Variants in AADACL2 observed in about 807,000 individuals in gnomAD.
AADACL2 encodes the protein arylacetamide deacetylase like 2, also known as arylacetamide deacetylase-like 2.
A neutral mutation model predicts 22.3 loss-of-function variants in AADACL2; 23 were observed. That is an observed-to-expected ratio of 1.03 (90% confidence interval 0.74 to 1.46). AADACL2 has a LOEUF of 1.46. Among genes scored for constraint, AADACL2 ranks in the 40% most tolerant of loss-of-function variants. The pLI is 0.00. For synonymous variants in AADACL2, 177 were observed against 166.2 expected, an observed-to-expected ratio of 1.07 and a Z score of -0.50; for missense variants, 472 against 482.9, an observed-to-expected ratio of 0.98 and a Z score of 0.21.
intron 4 of AADACL2, among the ~76,000 whole-genome samples, chr3:151,746,096 C>CT (rs780113382): frequency 7.9e-5 from 12 of 152,016 alleles, no homozygotes; most frequent in Non-Finnish European, 1.6e-4. Context: ...ATGTCTCATA[C>CT]TTTATTAGAT....
At chr3:151,739,939 TG>T (rs1400231497) in intron 1 of AADACL2, among the ~76,000 whole-genome samples, 1 of 152,174 alleles carries the variant, frequency 6.6e-6, no homozygotes, top group African/African-American at 2.4e-5. Context: ...GATCTTAGCT[TG>T]CTGGGATCCT....
rs757315486 is a variant in AADACL2 at position 151,757,138 on chromosome 3, G to A, written c.750G>A (p.Val250=). The change falls in exon 5 of 5, where the codon GTG becomes GTA. Residue 250 remains valine (V), a synonymous_variant. Coordinates refer to ENST00000356517, the MANE Select transcript of AADACL2 (RefSeq NM_207365.4). ...CCAGGGATGTAGCCATAAAACTCGT[G>A]AGCTTATATTTCACCAAGGATGAAG... is the stretch of plus-strand genomic sequence containing the variant. The part of the protein sequence containing the change: ...VLTRDVAIKL[V]SLYFTKDEAL... The A allele has an allele frequency of 1.1e-4, 172 of 1,612,998 alleles. No homozygotes were observed. Among genetic ancestry groups the A allele is most frequent in the Non-Finnish European group, 1.4e-4 (162 of 1,179,582 alleles).
At chr3:151,742,678 G>C (rs980446333) in intron 2 of AADACL2, among the ~76,000 whole-genome samples, 1 of 152,116 alleles carries the variant, frequency 6.6e-6, no homozygotes, top group Non-Finnish European at 1.5e-5. Flanking sequence ...TTTGTTCCCA[G>C]AGAAGGCAGC....
At chr3:151,740,382 A>C (rs1028992013) in intron 1 of AADACL2, among the ~76,000 whole-genome samples, 5 of 152,126 alleles carry the variant, frequency 3.3e-5, no homozygotes, top group Non-Finnish European at 4.4e-5. Context: ...TGCAGAAATC[A>C]CCTGCCTTCT....
At chr3:151,744,835 G>C (rs1209374447) in intron 3 of AADACL2, among the ~76,000 whole-genome samples, 1 of 152,052 alleles carries the variant, frequency 6.6e-6, no homozygotes, top group Non-Finnish European at 1.5e-5. Flanking sequence ...AAAAGAAAAA[G>C]CTCTATGAAT....
rs1472567931 is a variant in AADACL2 at position 151,734,251 on chromosome 3, A to T, written c.138+78A>T. 2.2e-6 allele frequency: 3 copies of T among 1,358,408 alleles called. No homozygotes were observed. The African/African-American group carries it at 4.4e-5, about 20-fold the overall frequency. 84.1% of individuals were successfully genotyped at this position (1,358,408 alleles called of 1,614,324 possible). A position where few individuals can be genotyped will look rare whatever the true frequency, so the allele number is the denominator to read the frequency against. ...AAAATGGGTGCTTATGAACTCTTTT[A>T]TTAATAGTATTAATATCACCATTTT... On this transcript the variant is annotated intron_variant, in intron 1 of 4. Transcript: ENST00000356517.
In AADACL2 at chr3:151,760,807, TCATCACAC is replaced by T. The variant is rs1241348694; in HGVS notation, c.*3217_*3224del. On this transcript the variant is annotated 3_prime_UTR_variant, in exon 5 of 5. Transcript: ENST00000356517. ...AGGCTAGAAGTTGGAGATCAAGGTG[TCATCACAC>T]CATGGTCCCTCTGAAGGCACCAAGG... The T allele has an allele frequency of 6.6e-6, 1 of 152,094 alleles. No individual in the cohort carries two copies. The highest frequency in any genetic ancestry group is 1.5e-5 in the Non-Finnish European group (1 of 68,020). The allele number at this position is 152,094 out of a possible 1,614,324, so 9.4% of individuals were successfully genotyped here.
intron 1 of AADACL2, among the ~76,000 whole-genome samples, chr3:151,736,089 T>G (rs1713077006): frequency 6.6e-6 from 1 of 152,016 alleles, no homozygotes; most frequent in Non-Finnish European, 1.5e-5. Context: ...TATGAAGATA[T>G]TTAAAACTTT....
At chr3:151,746,046 C>T (rs1324554827) in intron 4 of AADACL2, among the ~76,000 whole-genome samples, 3 of 151,926 alleles carry the variant, frequency 2.0e-5, no homozygotes, top group Non-Finnish European at 2.9e-5. Flanking sequence ...GGAGGATTGA[C>T]GTGTCAACAA....
rs1237809312 is a variant in AADACL2 at position 151,761,164 on chromosome 3, GAT to G, written c.*3577_*3578del. ...GGTGAGATATATATATATATGGTGA[GAT>G]ATATATTTATATATATGGTGAGATA... On this transcript the variant is annotated 3_prime_UTR_variant, in exon 5 of 5. Coordinates refer to ENST00000356517, the MANE Select transcript of AADACL2 (RefSeq NM_207365.4). The G allele has an allele frequency of 1.1e-5, 1 of 94,538 alleles. No homozygotes were observed. Among genetic ancestry groups the G allele is most frequent in the Non-Finnish European group, 2.3e-5 (1 of 44,118 alleles). 5.9% of individuals were successfully genotyped at this position (94,538 alleles called of 1,614,324 possible). A position where few individuals can be genotyped will look rare whatever the true frequency, so the allele number is the denominator to read the frequency against.
intron 1 of AADACL2, among the ~76,000 whole-genome samples, chr3:151,735,831 T>C (rs889189766): frequency 2.0e-5 from 3 of 152,300 alleles, no homozygotes; most frequent in South Asian, 4.1e-4. Context: ...GCCCTGCAAA[T>C]ACCTTAATTT....
chr3:151,749,335 A>T (rs1178042950), intron 4 of AADACL2, among the ~76,000 whole-genome samples: 1 of 152,036 alleles, frequency 6.6e-6, no homozygotes, highest in Non-Finnish European at 1.5e-5. Flanking sequence ...TTTTTAAGAT[A>T]GTTTGTTGTT....
At chr3:151,735,413 G>A (rs1713055544) in intron 1 of AADACL2, among the ~76,000 whole-genome samples, 1 of 151,894 alleles carries the variant, frequency 6.6e-6, no homozygotes, top group African/African-American at 2.4e-5. Flanking sequence ...ATGCAGACTT[G>A]GCTTTGACAT....
chr3:151,757,686 T>G lies in AADACL2; in HGVS notation c.*92T>G. 7.0e-7 allele frequency: 1 copy of G among 1,432,424 alleles called. No individual in the cohort carries two copies. The allele number at this position is 1,432,424 out of a possible 1,614,324, so 88.7% of individuals were successfully genotyped here. On this transcript the variant is annotated 3_prime_UTR_variant, in exon 5 of 5. Coordinates refer to ENST00000356517, the MANE Select transcript of AADACL2 (RefSeq NM_207365.4). The stretch of plus-strand genomic sequence containing the variant: ...GCAAAGAACAATGTCATTTGAGTTA[T>G]CTAAATCTACATTTGCAACATTTGT...
Position 151,761,160 on chromosome 3 carries a change from G to T in AADACL2, c.*3566G>T, listed in dbSNP as rs1353377679. 1.1e-5 allele frequency: 1 copy of T among 91,236 alleles called. No individual in the cohort carries two copies. The highest frequency in any genetic ancestry group is 4.3e-5 in the African/African-American group (1 of 23,366). The allele number at this position is 91,236 out of a possible 1,614,324, so 5.7% of individuals were successfully genotyped here. A position where few individuals can be genotyped will look rare whatever the true frequency, so the allele number is the denominator to read the frequency against. ...ATATGGTGAGATATATATATATATG[G>T]TGAGATATATATTTATATATATGGT... On this transcript the variant is annotated 3_prime_UTR_variant, in exon 5 of 5. Transcript: ENST00000356517.
rs2107983908 is a variant in AADACL2, at chr3:151,744,107, G to T, written c.376G>T (p.Asp126Tyr). 1 of 1,613,674 alleles carries T rather than the reference G, an allele frequency of 6.2e-7. No individual in the cohort carries two copies. Among genetic ancestry groups the T allele is most frequent in the East Asian group, 2.2e-5 (1 of 44,878 alleles). Residue 126 changes from aspartate (D) to tyrosine (Y), a missense_variant, in exon 3 of 5, where the codon GAC becomes TAC. Transcript: ENST00000356517. ...CTTCATTTCAGAACAGAGGGCTTTTGACTTCCTGAATAGATGGACGGCAAA... is the reference window on the plus strand; with the variant it reads ...CTTCATTTCAGAACAGAGGGCTTTTTACTTCCTGAATAGATGGACGGCAAA... ...CFGSSKQRAF[D>Y]FLNRWTANTL...
chr3:151,746,516 T>C (rs1429913795), intron 4 of AADACL2, among the ~76,000 whole-genome samples: 4 of 151,984 alleles, frequency 2.6e-5, no homozygotes, highest in Admixed American at 6.6e-5. Context: ...ATAACTCTCT[T>C]GCTTTGTATT....
At chr3:151,747,461 G>GGGGTTTAACTTTCT (rs1317560656) in intron 4 of AADACL2, among the ~76,000 whole-genome samples, 1 of 151,914 alleles carries the variant, frequency 6.6e-6, no homozygotes, top group East Asian at 1.9e-4. Context: ...TCCACTTCTA[G>GGGGTTTAACTTTCT]GGGTTTAACT....
At position 151,745,558 on chromosome 3, in the gene AADACL2, C is replaced by T. The variant is rs1364138504; in HGVS notation, c.481C>T (p.Leu161Phe). ...CTTTCCTGCTCAGTTTGAAGATGGC[C>T]TTGCTGCAGTCAAATTTTTTCTTTT... is the stretch of plus-strand genomic sequence containing the variant. ...HHFPAQFEDG[L>F]AAVKFFLLEK... The change falls in exon 4 of 5, where the codon CTT (leucine) becomes TTT (phenylalanine). Residue 161 changes from leucine (L) to phenylalanine (F), a missense_variant. Leu to Phe is a conservative substitution (Grantham distance 22, BLOSUM62 0). Around this residue, in one of 3 missense-constraint regions of AADACL2, gnomAD observed 356 missense variants for 365.5 expected, o/e 0.97. Transcript: ENST00000356517. 8.1e-6 allele frequency: 13 copies of T among 1,613,694 alleles called. No homozygotes were observed. The highest frequency in any genetic ancestry group is 1.1e-5 in the Non-Finnish European group (13 of 1,179,874).
Sources: allele counts gnomAD v4.1 joint callset (sites outside exome capture counted in the v4.1 genomes callset), GRCh38; gene constraint gnomAD v4.1.1; regional missense constraint gnomAD v4.1.1; transcripts MANE v1.5; gene names NCBI Gene and HGNC (gene_info 2026-07-23, HGNC 2026-07-21).